Variants in SNX29 observed in about 807,000 individuals in gnomAD.
SNX29 encodes sorting nexin-29.
A neutral mutation model predicts 102.1 loss-of-function variants in SNX29; 78 were observed. That is an observed-to-expected ratio of 0.76 (90% CI 0.64 to 0.92). The LOEUF is 0.92. Ranked by LOEUF, SNX29 falls within the 40% of genes least tolerant of loss-of-function variation. The pLI is 0.00. For missense variants in SNX29, 1,280 were observed against 1,061.7 expected (o/e 1.21, Z -2.86); for synonymous variants, 580 against 414.5 (o/e 1.40, Z -4.85).
At chr16:12,298,717 G>C (rs965358165) in intron 15 of SNX29, among the ~76,000 whole-genome samples, 2 of 152,136 alleles carry the variant, frequency 1.3e-5, no homozygotes, top group Non-Finnish European at 2.9e-5. Flanking sequence ...CCATGGCTGG[G>C]AGGACCCTTG....
At chr16:12,163,720 C>A (rs2141685613) in intron 13 of SNX29, among the ~76,000 whole-genome samples, 1 of 152,250 alleles carries the variant, frequency 6.6e-6, no homozygotes, top group Admixed American at 6.5e-5. Flanking sequence ...TAAACCGAAC[C>A]TTTTGTTCAG....
intron 13 of SNX29, among the ~76,000 whole-genome samples, chr16:12,146,719 T>A (rs1303350787): frequency 6.6e-6 from 1 of 152,208 alleles, no homozygotes; most frequent in Non-Finnish European, 1.5e-5. Flanking sequence ...TTGGCATGAA[T>A]GATTTCTCAG....
intron 15 of SNX29, among the ~76,000 whole-genome samples, chr16:12,301,358 C>T (rs1031032929): frequency 6.6e-6 from 1 of 152,220 alleles, no homozygotes; most frequent in African/African-American, 2.4e-5. Flanking sequence ...GTTCTACTCT[C>T]CAGCCCCCTC....
chr16:12,169,242 G>T (rs995070091), intron 13 of SNX29, among the ~76,000 whole-genome samples: 4 of 152,252 alleles, frequency 2.6e-5, no homozygotes, highest in Non-Finnish European at 5.9e-5. Context: ...GCTTCAGGGA[G>T]GCTGTCCGGG....
intron 1 of SNX29, among the ~76,000 whole-genome samples, chr16:11,980,396 T>C (rs1486780966): frequency 6.6e-6 from 1 of 152,268 alleles, no homozygotes; most frequent in Non-Finnish European, 1.5e-5. Flanking sequence ...TCATATTTTG[T>C]TTATTCATGC....
intron 3 of SNX29, among the ~76,000 whole-genome samples, chr16:12,023,437 G>A (rs1213572717): frequency 3.4e-5 from 5 of 147,452 alleles, no homozygotes; most frequent in Admixed American, 6.8e-5. Flanking sequence ...AAGTAGCTGC[G>A]CATGGTAGTG....
At chr16:12,457,582 T>G (rs953144590) in intron 18 of SNX29, among the ~76,000 whole-genome samples, 3 of 152,172 alleles carry the variant, frequency 2.0e-5, no homozygotes, top group Admixed American at 2.0e-4. Context: ...AGACAAAGGT[T>G]CAAATCACGT....
At chr16:12,567,898 C>T (rs1012947858) in intron 20 of SNX29, among the ~76,000 whole-genome samples, 1 of 152,338 alleles carries the variant, frequency 6.6e-6, no homozygotes, top group South Asian at 2.1e-4. Context: ...CAACCCAGAC[C>T]CATGCCCTGG....
At chr16:12,252,280 A>G (rs2078444190) in intron 14 of SNX29, among the ~76,000 whole-genome samples, 1 of 152,202 alleles carries the variant, frequency 6.6e-6, no homozygotes, top group African/African-American at 2.4e-5. Context: ...CCTGTCTAAA[A>G]GCTTTTGAAT....
intron 11 of SNX29, among the ~76,000 whole-genome samples, chr16:12,100,211 C>A (rs1456470551): frequency 6.6e-6 from 1 of 152,196 alleles, no homozygotes; most frequent in Non-Finnish European, 1.5e-5. Flanking sequence ...AGGTGCTGTG[C>A]TGGCTCTAGG....
chr16:12,554,600 A>T (rs886285811), intron 20 of SNX29, among the ~76,000 whole-genome samples: 20 of 152,180 alleles, frequency 1.3e-4, no homozygotes, highest in Non-Finnish European at 2.9e-4. Flanking sequence ...CTCCCAAGCC[A>T]GAGGAGCTCA....
intron 20 of SNX29, among the ~76,000 whole-genome samples, chr16:12,563,551 A>C (rs541346309): frequency 3.9e-4 from 59 of 152,290 alleles, no homozygotes; most frequent in African/African-American, 1.3e-3. Flanking sequence ...CCACTACCTG[A>C]GGGGTCTACC....
chr16:12,507,375 G>A (rs1405786248), intron 19 of SNX29, among the ~76,000 whole-genome samples: 1 of 152,280 alleles, frequency 6.6e-6, no homozygotes, highest in East Asian at 1.9e-4. Context: ...TGTGGTCCCA[G>A]GTCTGGACAG....
At chr16:12,521,188 A>G (rs1387215157) in intron 19 of SNX29, among the ~76,000 whole-genome samples, 4 of 152,166 alleles carry the variant, frequency 2.6e-5, no homozygotes, top group African/African-American at 4.8e-5. Flanking sequence ...TCAAAAAAAC[A>G]AAAAACAAAA....
chr16:12,270,405 G>T (rs2079055344), intron 14 of SNX29, among the ~76,000 whole-genome samples: 2 of 152,112 alleles, frequency 1.3e-5, no homozygotes, highest in Admixed American at 1.3e-4. Context: ...CTTTAATTGT[G>T]CTGCCTTCCT....
chr16:12,396,645 C>T (rs577944490), intron 16 of SNX29, among the ~76,000 whole-genome samples: 87 of 152,264 alleles, frequency 5.7e-4, no homozygotes, highest in African/African-American at 1.6e-3. Flanking sequence ...TTGTCTAGAA[C>T]GGGGCGTGGC....
intron 20 of SNX29, among the ~76,000 whole-genome samples, chr16:12,564,239 C>G (rs190873095): frequency 7.2e-5 from 11 of 152,150 alleles, no homozygotes; most frequent in Non-Finnish European, 1.2e-4. Context: ...AGAAAAAAAT[C>G]TCTACTCAGT....
At chr16:12,494,494 C>T (rs767413807) in intron 19 of SNX29, among the ~76,000 whole-genome samples, 2 of 152,172 alleles carry the variant, frequency 1.3e-5, no homozygotes, top group Non-Finnish European at 2.9e-5. Context: ...CATTCTTTCA[C>T]TTGCATCCAG....
chr16:12,539,630 A>T (rs528019436), intron 20 of SNX29, among the ~76,000 whole-genome samples: 3 of 152,358 alleles, frequency 2.0e-5, no homozygotes, highest in Non-Finnish European at 4.4e-5. Flanking sequence ...ATCCTATGCT[A>T]AATGTAAGAA....
Sources: allele counts gnomAD v4.1 joint callset (sites outside exome capture counted in the v4.1 genomes callset), GRCh38; gene constraint gnomAD v4.1.1; transcripts MANE v1.5; gene names NCBI Gene and HGNC (gene_info 2026-07-23, HGNC 2026-07-21).